STAT4: variants seen among roughly 807,000 people sequenced by gnomAD.
The protein encoded by STAT4 is signal transducer and activator of transcription 4.
A neutral mutation model predicts 110.5 loss-of-function variants in STAT4; 42 were observed. That is an observed-to-expected ratio of 0.38 (90% confidence interval 0.30 to 0.49). The LOEUF (loss-of-function observed/expected upper bound fraction) is 0.49, where lower values mean the gene tolerates loss of function less well. Among genes scored for constraint, STAT4 ranks in the 20% least tolerant of loss-of-function variants. The pLI, the probability that STAT4 is intolerant of heterozygous loss-of-function variation, is 0.95. For synonymous variants in STAT4, 284 were observed against 302.2 expected (o/e 0.94, Z 0.63); for missense variants, 632 against 887.9 (o/e 0.71, Z 3.66).
At chr2:191,109,159 G>A (rs1175640007) in intron 3 of STAT4, among the ~76,000 whole-genome samples, 1 of 152,206 alleles carries the variant, frequency 6.6e-6, no homozygotes, top group Non-Finnish European at 1.5e-5. Context: ...ATCACTAGGA[G>A]GCAGGGGGAA....
At chr2:191,141,545 A>G (rs58290627) in intron 3 of STAT4, among the ~76,000 whole-genome samples, 2 of 147,202 alleles carry the variant, frequency 1.4e-5, no homozygotes, top group Non-Finnish European at 3.0e-5. Context: ...TATATGATAT[A>G]TATATTTTTA....
chr2:191,127,993 T>C (rs914331246), intron 3 of STAT4, among the ~76,000 whole-genome samples: 6 of 152,238 alleles, frequency 3.9e-5, no homozygotes, highest in African/African-American at 1.2e-4. Flanking sequence ...CTTAGTGCGA[T>C]ATGCACAAAT....
rs1696368781 is a variant in STAT4, at chr2:191,046,913, G to C, written c.1252-5765C>G. On this transcript the variant is annotated intron_variant, in intron 14 of 23. Coordinates refer to ENST00000392320, the MANE Select transcript of STAT4 (RefSeq NM_003151.4). This position sits in a 1 kb window ranked among gnomAD's most constrained non-coding sequence, Gnocchi z 4.6. Reference sequence around the variant, plus strand: ...TTTCTGTCCTAATGAAGTGTATCTTGGTGGGCTTCTAAATAGCCTCAGGAT... The same window carrying C: ...TTTCTGTCCTAATGAAGTGTATCTTCGTGGGCTTCTAAATAGCCTCAGGAT... 6.6e-6 allele frequency among the ~76,000 whole-genome samples: 1 copy of C among 152,042 alleles called. No homozygotes were observed. Among genetic ancestry groups the C allele is most frequent in the South Asian group, 2.1e-4 (1 of 4,800 alleles).
chr2:191,092,132 G>C (rs1055685979), intron 3 of STAT4, among the ~76,000 whole-genome samples: 2 of 152,188 alleles, frequency 1.3e-5, no homozygotes, highest in Admixed American at 6.5e-5. Flanking sequence ...AAGCCCGGGC[G>C]CTGTGGCTCA....
At chr2:191,076,195 G>A (rs1180531703) in intron 4 of STAT4, 32 bp downstream of exon 4, 1 of 1,566,492 alleles carries the variant, frequency 6.4e-7, no homozygotes, top group East Asian at 2.2e-5. Flanking sequence ...AGTTCAAGGT[G>A]ATAACAAGAT....
chr2:191,048,671 A>G (rs936428847), intron 14 of STAT4, among the ~76,000 whole-genome samples: 1 of 151,284 alleles, frequency 6.6e-6, no homozygotes, highest in East Asian at 1.9e-4. Flanking sequence ...TTGTAGTCCC[A>G]GCTACTCAGG....
chr2:191,131,088 G>A (rs1245509251), intron 3 of STAT4, among the ~76,000 whole-genome samples: 2 of 151,340 alleles, frequency 1.3e-5, no homozygotes. Context: ...TGAGAATATT[G>A]AGCCAGAACT....
In STAT4 at chr2:191,041,045, T is replaced by C; in HGVS notation, c.1335+20A>G. 1 of 1,400,970 alleles carries C rather than the reference T, an allele frequency of 7.1e-7. No homozygotes were observed. Among genetic ancestry groups the C allele is most frequent in the Non-Finnish European group, 9.4e-7 (1 of 1,067,772 alleles). The allele number at this position is 1,400,970 out of a possible 1,614,324, so 86.8% of individuals were successfully genotyped here. On this transcript the variant is annotated intron_variant, in intron 15 of 23. Coordinates refer to ENST00000392320, the MANE Select transcript of STAT4 (RefSeq NM_003151.4). Reference sequence around the variant, plus strand: ...TTGCAAATGCCATTAGTAAATAGTGTATGTTCTTGAAACACCTACCTCCAA... The same window carrying C: ...TTGCAAATGCCATTAGTAAATAGTGCATGTTCTTGAAACACCTACCTCCAA...
At position 191,138,592 on chromosome 2, in the gene STAT4, G is replaced by A. The variant is rs996730809; in HGVS notation, c.273+8021C>T. 2.6e-5 allele frequency among the ~76,000 whole-genome samples: 4 copies of A among 151,886 alleles called. No individual in the cohort carries two copies. Among genetic ancestry groups the A allele is most frequent in the Non-Finnish European group, 4.4e-5 (3 of 67,912 alleles). Reference sequence around the variant, plus strand: ...ACCCTGAACAGACCAATAGCAAGCAGCAAAATTGAATCAGTAGTTTAAAAA... The same window carrying A: ...ACCCTGAACAGACCAATAGCAAGCAACAAAATTGAATCAGTAGTTTAAAAA... On this transcript the variant is annotated intron_variant, in intron 3 of 23. Coordinates refer to ENST00000392320, the MANE Select transcript of STAT4 (RefSeq NM_003151.4). The surrounding 1 kb of genome is among the most constrained non-coding windows in gnomAD (Gnocchi z 4.3).
intron 3 of STAT4, among the ~76,000 whole-genome samples, chr2:191,100,367 T>C (rs1305431235): frequency 3.9e-5 from 6 of 152,176 alleles, no homozygotes; most frequent in Non-Finnish European, 7.4e-5. Flanking sequence ...AAGTCAACTG[T>C]GGGCATGAGG....
In STAT4 at chr2:191,066,351, C is replaced by A; in HGVS notation, c.630+79G>T. 2 of 1,270,568 alleles carry A rather than the reference C, an allele frequency of 1.6e-6. No homozygotes were observed. The highest frequency in any genetic ancestry group is 2.3e-6 in the Non-Finnish European group (2 of 886,696). 78.7% of individuals were successfully genotyped at this position (1,270,568 alleles called of 1,614,324 possible). Reference sequence around the variant, plus strand: ...AAATGGAACTGATAAAATCTGACAGCTTGATTATTTTCAGTTAGTCTAAGT... The same window carrying A: ...AAATGGAACTGATAAAATCTGACAGATTGATTATTTTCAGTTAGTCTAAGT... On this transcript the variant is annotated intron_variant, in intron 7 of 23. Coordinates refer to ENST00000392320, the MANE Select transcript of STAT4 (RefSeq NM_003151.4). This position sits in a 1 kb window ranked among gnomAD's most constrained non-coding sequence, Gnocchi z 4.3.
chr2:191,062,722 T>C lies in STAT4; in HGVS notation c.941+40A>G. The C allele has an allele frequency of 4.3e-6, 7 of 1,610,570 alleles. No homozygotes were observed. The highest frequency in any genetic ancestry group is 5.9e-6 in the Non-Finnish European group (7 of 1,178,056). On this transcript the variant is annotated intron_variant, in intron 9 of 23. Transcript: ENST00000392320. This position sits in a 1 kb window ranked among gnomAD's most constrained non-coding sequence, Gnocchi z 4.9. ...AAAACCTTAGGAAGGGTGTTCTTAC[T>C]TCACAGAATGGAGGATGCCATTGAT... is the stretch of plus-strand genomic sequence containing the variant.
In STAT4 at chr2:191,146,517, T is replaced by A. The variant is rs1699464155; in HGVS notation, c.273+96A>T. ...AAGACAACTCAATTTTCCCCTAAATTTCATTTGAAAATAATATAAGGGTAC... is the reference window on the plus strand; with the variant it reads ...AAGACAACTCAATTTTCCCCTAAATATCATTTGAAAATAATATAAGGGTAC... On this transcript the variant is annotated intron_variant, in intron 3 of 23. Coordinates refer to ENST00000392320, the MANE Select transcript of STAT4 (RefSeq NM_003151.4). This position sits in a 1 kb window ranked among gnomAD's most constrained non-coding sequence, Gnocchi z 4.5. 1 of 1,164,366 alleles carries A rather than the reference T, an allele frequency of 8.6e-7. No individual in the cohort carries two copies. Among genetic ancestry groups the A allele is most frequent in the African/African-American group, 1.6e-5 (1 of 62,664 alleles). 72.1% of individuals were successfully genotyped at this position (1,164,366 alleles called of 1,614,324 possible). A position where few individuals can be genotyped will look rare whatever the true frequency, so the allele number is the denominator to read the frequency against.
In STAT4 at chr2:191,035,036, A is replaced by G. The variant is rs980349911; in HGVS notation, c.1571-439T>C. ...GTAAGTTAGGTATAGCTAGATTACC[A>G]GGAATGTTGCCTATTAAGATGGAAA... On this transcript the variant is annotated intron_variant, in intron 17 of 23. Coordinates refer to ENST00000392320, the MANE Select transcript of STAT4 (RefSeq NM_003151.4). This position sits in a 1 kb window ranked among gnomAD's most constrained non-coding sequence, Gnocchi z 4.7. Among the ~76,000 whole-genome samples the G allele has an allele frequency of 1.2e-4, 19 of 152,236 alleles. No homozygotes were observed. Among genetic ancestry groups the G allele is most frequent in the African/African-American group, 4.3e-4 (18 of 41,462 alleles).
At position 191,061,661 on chromosome 2, in the gene STAT4, T is replaced by C; in HGVS notation, c.1034+68A>G. On this transcript the variant is annotated intron_variant, in intron 10 of 23. Transcript: ENST00000392320. The surrounding 1 kb of genome is among the most constrained non-coding windows in gnomAD (Gnocchi z 6.2). ...TGAATGCAAGCCACAATGAGAGAAA[T>C]TGGCCTTGATCATCCAGAGACTATA... 3.6e-6 allele frequency: 5 copies of C among 1,394,030 alleles called. No individual in the cohort carries two copies. The highest frequency in any genetic ancestry group is 2.3e-5 in the South Asian group (2 of 85,860). 86.4% of individuals were successfully genotyped at this position (1,394,030 alleles called of 1,614,324 possible). A position where few individuals can be genotyped will look rare whatever the true frequency, so the allele number is the denominator to read the frequency against.
chr2:191,047,105 T>C (rs1482117086), intron 14 of STAT4, among the ~76,000 whole-genome samples: 1 of 152,142 alleles, frequency 6.6e-6, no homozygotes, highest in East Asian at 1.9e-4. Context: ...CATAAAAACC[T>C]CAAAGAACAG....
rs936045278 is a variant in STAT4 at position 191,146,006 on chromosome 2, C to A, written c.273+607G>T. 1.3e-5 allele frequency among the ~76,000 whole-genome samples: 2 copies of A among 152,192 alleles called. No homozygotes were observed. The highest frequency in any genetic ancestry group is 1.3e-4 in the Admixed American group (2 of 15,278). On this transcript the variant is annotated intron_variant, in intron 3 of 23. Transcript: ENST00000392320. This position sits in a 1 kb window ranked among gnomAD's most constrained non-coding sequence, Gnocchi z 4.5. The stretch of plus-strand genomic sequence containing the variant: ...TGGGTGCTGGAAATTCAAAGTTGAA[C>A]ACTAAAGTCCTTGCCTCAAGGAACT...
At position 191,058,962 on chromosome 2, in the gene STAT4, A is replaced by T. The variant is rs188365372; in HGVS notation, c.1035-193T>A. Among the ~76,000 whole-genome samples the T allele has an allele frequency of 9.2e-4, 140 of 152,322 alleles. 1 individual carries two copies. The highest frequency in any genetic ancestry group is 3.2e-3 in the African/African-American group (133 of 41,580). On this transcript the variant is annotated intron_variant, in intron 10 of 23. Transcript: ENST00000392320. This position sits in a 1 kb window ranked among gnomAD's most constrained non-coding sequence, Gnocchi z 4.3. ...AGTTTGCCATGTAACTAATGTTGACATCAGTCACTTAATAGCATTATTGGC... is the reference window on the plus strand; with the variant it reads ...AGTTTGCCATGTAACTAATGTTGACTTCAGTCACTTAATAGCATTATTGGC...
rs1422935745 is a variant in STAT4, at chr2:191,140,984, T to A, written c.273+5629A>T. 6.6e-6 allele frequency among the ~76,000 whole-genome samples: 1 copy of A among 151,982 alleles called. No individual in the cohort carries two copies. Among genetic ancestry groups the A allele is most frequent in the African/African-American group, 2.4e-5 (1 of 41,376 alleles). On this transcript the variant is annotated intron_variant, in intron 3 of 23. Transcript: ENST00000392320. This position sits in a 1 kb window ranked among gnomAD's most constrained non-coding sequence, Gnocchi z 4.4. ...GCATTATTCTAAGTGAAGTAACTCA[T>A]AAATGGAAAACCAAATATCATATGT...
Sources: allele counts gnomAD v4.1 joint callset (sites outside exome capture counted in the v4.1 genomes callset), GRCh38; gene constraint gnomAD v4.1.1; non-coding constraint Gnocchi (gnomAD v3.1); transcripts MANE v1.5; gene names NCBI Gene and HGNC (gene_info 2026-07-23, HGNC 2026-07-21).